TSPEAR: variants seen among roughly 807,000 people sequenced by gnomAD.
TSPEAR encodes the protein thrombospondin type laminin G domain and EAR repeats, also known as thrombospondin-type laminin G domain and EAR repeat-containing protein.
Under a neutral mutation model 71.6 loss-of-function variants are expected in TSPEAR, and 69 were observed. That is an observed-to-expected ratio of 0.96 (90% CI 0.79 to 1.18). TSPEAR has a LOEUF of 1.18. Among genes scored for constraint, TSPEAR ranks in the 50% most tolerant of loss-of-function variants. TSPEAR has a pLI of 0.00. For missense variants in TSPEAR, 971 were observed against 894.9 expected (o/e 1.09, Z -1.09); for synonymous variants, 402 against 387.2 (o/e 1.04, Z -0.45).
chr21:44,580,242 G>A lies in TSPEAR; in HGVS notation c.83-12237C>T, dbSNP rs782717684. ...CAGCAAGTTGGCTGGCAGCTAGACT[G>A]CTGGCAGCATGAAGAGGAATCCTTA... On this transcript the variant is annotated intron_variant, in intron 1 of 11. Transcript: ENST00000323084. The A allele has an allele frequency of 5.0e-6, 8 of 1,613,782 alleles. No homozygotes were observed. In the South Asian group the frequency reaches 7.7e-5, roughly 16 times the overall value.
At chr21:44,676,997 G>C in intron 1 of TSPEAR, 1 of 916,254 alleles carries the variant, frequency 1.1e-6, no homozygotes, top group Non-Finnish European at 1.8e-6. Context: ...TTCCACCCAG[G>C]AAGGACTTCT....
In TSPEAR at chr21:44,499,779, G is replaced by A. The variant is rs368690861; in HGVS notation, c.*4C>T. The A allele has an allele frequency of 5.8e-5, 91 of 1,558,162 alleles. 1 individual carries two copies. Among genetic ancestry groups the A allele is most frequent in the African/African-American group, 4.9e-4 (36 of 72,942 alleles). Reference sequence around the variant, plus strand: ...ACCCCAGTTGCTGCCGGGCAGCCGCGGCCTCAGCGTGTCCTCAGCCGCAGG... The same window carrying A: ...ACCCCAGTTGCTGCCGGGCAGCCGCAGCCTCAGCGTGTCCTCAGCCGCAGG... On this transcript the variant is annotated 3_prime_UTR_variant, in exon 12 of 12. Coordinates refer to ENST00000323084, the MANE Select transcript of TSPEAR (RefSeq NM_144991.3).
intron 11 of TSPEAR, among the ~76,000 whole-genome samples, chr21:44,503,718 GGC>G (rs2052108849): frequency 9.2e-6 from 1 of 109,202 alleles, no homozygotes; most frequent in Non-Finnish European, 1.8e-5. Context: ...GTGAGCCCTC[GGC>G]GGGAAGCAAG....
chr21:44,646,554 C>T (rs781994060), intron 1 of TSPEAR: 26 of 1,612,374 alleles, frequency 1.6e-5, no homozygotes, highest in East Asian at 8.9e-5. Flanking sequence ...CCCCCTGCAG[C>T]GCCCCCAGCT....
At chr21:44,700,012 T>C (rs1162165681) in intron 1 of TSPEAR, among the ~76,000 whole-genome samples, 1 of 152,146 alleles carries the variant, frequency 6.6e-6, no homozygotes, top group African/African-American at 2.4e-5. Flanking sequence ...TTAGGGTGAT[T>C]TGCTAAACAG....
intron 2 of TSPEAR, among the ~76,000 whole-genome samples, chr21:44,555,207 T>C (rs2053506084): frequency 6.6e-6 from 1 of 152,174 alleles, no homozygotes; most frequent in African/African-American, 2.4e-5. Context: ...GAAAGGAAAT[T>C]GCTCCTGATG....
chr21:44,652,197 A>C lies in TSPEAR; in HGVS notation c.82+59236T>G, dbSNP rs191315490. On this transcript the variant is annotated intron_variant, in intron 1 of 11. Coordinates refer to ENST00000323084, the MANE Select transcript of TSPEAR (RefSeq NM_144991.3). ...ACGGGGTTTCACTGTGTTAGCCAGG[A>C]TGGTCTCGATCTCCTGACCTCGTGA... Among the ~76,000 whole-genome samples the C allele has an allele frequency of 5.0e-3, 754 of 152,154 alleles. 17 individuals carry two copies. Among genetic ancestry groups the C allele is most frequent in the Admixed American group, 2.4e-3 (37 of 15,290 alleles).
rs149723418 is a variant in TSPEAR, at chr21:44,618,183, C to T, written c.83-50178G>A. On this transcript the variant is annotated intron_variant, in intron 1 of 11. Transcript: ENST00000323084. The stretch of plus-strand genomic sequence containing the variant: ...TGATTGGATCATGGAGTTGGTTTCC[C>T]CCATGCTGTTGTAGTGATAGTGAGT... Among the ~76,000 whole-genome samples the T allele has an allele frequency of 5.1e-3, 776 of 152,228 alleles. 6 individuals carry two copies. The highest frequency in any genetic ancestry group is 0.018 in the African/African-American group (734 of 41,522).
chr21:44,592,483 A>G (rs587610041), intron 1 of TSPEAR: 190 of 1,607,898 alleles, frequency 1.2e-4, no homozygotes, highest in Admixed American at 7.5e-4. Context: ...GGACGCGGCC[A>G]TGCTGGGGTT....
intron 1 of TSPEAR, among the ~76,000 whole-genome samples, chr21:44,663,308 T>G (rs1241554976): frequency 3.9e-5 from 6 of 152,006 alleles, no homozygotes; most frequent in Non-Finnish European, 8.8e-5. Context: ...ATTAAAAACA[T>G]GATACAGGAA....
At chr21:44,579,904 G>A (rs1555924677) in intron 1 of TSPEAR, 2 of 1,613,428 alleles carry the variant, frequency 1.2e-6, no homozygotes. Flanking sequence ...ATATGGGGCG[G>A]CAGAGGAGGG....
At chr21:44,557,944 T>G in intron 2 of TSPEAR, 2 of 1,285,966 alleles carry the variant, frequency 1.6e-6, no homozygotes, top group East Asian at 2.5e-5. Flanking sequence ...TGGCTGGAGG[T>G]GCAGTGGCTA....
intron 1 of TSPEAR, among the ~76,000 whole-genome samples, chr21:44,640,043 C>T (rs189402102): frequency 2.6e-5 from 4 of 152,238 alleles, no homozygotes; most frequent in African/African-American, 7.2e-5. Flanking sequence ...TAGGCATCTA[C>T]CCCGGAGGAA....
At chr21:44,633,646 T>C in intron 1 of TSPEAR, among the ~76,000 whole-genome samples, 1 of 152,228 alleles carries the variant, frequency 6.6e-6, no homozygotes, top group East Asian at 1.9e-4. Flanking sequence ...TGGACTAACA[T>C]ATGGTCTAAT....
intron 2 of TSPEAR, chr21:44,557,721 C>T (rs1270970580): frequency 8.3e-6 from 3 of 363,176 alleles, no homozygotes; most frequent in East Asian, 1.0e-4. Flanking sequence ...AGTCCCGAAG[C>T]TCCCACCCCA....
chr21:44,525,997 G>T, intron 7 of TSPEAR, 158 bp from the exon 8 acceptor site: 2 of 656,592 alleles, frequency 3.0e-6, no homozygotes, highest in Non-Finnish European at 5.3e-6. Context: ...AGGTCATCAT[G>T]GTGGGGTGGG....
At chr21:44,654,203 C>T in intron 1 of TSPEAR, 1 of 1,245,950 alleles carries the variant, frequency 8.0e-7, no homozygotes, top group Non-Finnish European at 1.2e-6. Context: ...GATGTGGGGA[C>T]TGCCTGGCAG....
rs782580098 is a variant in TSPEAR at position 44,601,567 on chromosome 21, G to C, written c.83-33562C>G. 1.2e-5 allele frequency: 19 copies of C among 1,613,018 alleles called. 1 individual carries two copies. The Admixed American group carries it at 3.2e-4, about 27-fold the overall frequency. On this transcript the variant is annotated intron_variant, in intron 1 of 11. Coordinates refer to ENST00000323084, the MANE Select transcript of TSPEAR (RefSeq NM_144991.3). ...CTCCGTGTCCCTCCTCTGCCGCCCC[G>C]TGTGCAGGCCCGCCTGCTGCGTGCC...
In TSPEAR at chr21:44,567,921, G is replaced by A. The variant is rs782650688; in HGVS notation, c.167C>T (p.Ala56Val). The part of the protein sequence containing the change: ...SGIRIVQVHG[A>V]RGLQLSVAAP... The stretch of plus-strand genomic sequence containing the variant: ...GGCTACTGAGAGCTGGAGTCCCCGT[G>A]CACCGTGAACCTGAACTATCCTGAT... Residue 56 changes from alanine to valine, a missense_variant, in exon 2 of 12, where the codon GCA becomes GTA. Ala to Val is a moderately conservative substitution (Grantham distance 64, BLOSUM62 0). Transcript: ENST00000323084. 149 of 1,605,478 alleles carry A rather than the reference G, an allele frequency of 9.3e-5. No individual in the cohort carries two copies. Among genetic ancestry groups the A allele is most frequent in the Non-Finnish European group, 1.2e-4 (141 of 1,175,028 alleles).
Sources: allele counts gnomAD v4.1 joint callset (sites outside exome capture counted in the v4.1 genomes callset), GRCh38; gene constraint gnomAD v4.1.1; transcripts MANE v1.5; gene names NCBI Gene and HGNC (gene_info 2026-07-23, HGNC 2026-07-21).